MS4A4A: variants seen among roughly 807,000 people sequenced by gnomAD.
The protein encoded by MS4A4A is membrane spanning 4-domains A4A, also known as membrane-spanning 4-domains subfamily A member 4A.
MS4A4A carries 26 observed loss-of-function variants against 28.0 expected under a neutral mutation model. The observed-to-expected ratio is 0.93, with a 90% CI of 0.68 to 1.29. The LOEUF (loss-of-function observed/expected upper bound fraction) is 1.29. Among genes scored for constraint, MS4A4A ranks in the 50% most tolerant of loss-of-function variants. MS4A4A has a pLI of 0.00. For missense variants in MS4A4A, 290 were observed against 293.1 expected (o/e 0.99, Z 0.08); for synonymous variants, 86 against 100.8 (o/e 0.85, Z 0.88).
At position 60,308,682 on chromosome 11, in the gene MS4A4A, C is replaced by G. The variant is rs145609676; in HGVS notation, c.*504C>G. ...GGAGATGCATGGCCATCTCCCCCTC[C>G]CTTTTTCCTTCTCCTGCTTTTCTTT... is the stretch of plus-strand genomic sequence containing the variant. On this transcript the variant is annotated 3_prime_UTR_variant, in exon 7 of 7. Coordinates refer to ENST00000337908, the MANE Select transcript of MS4A4A (RefSeq NM_148975.3). 1.2e-3 allele frequency: 189 copies of G among 152,944 alleles called. No homozygotes were observed. Among genetic ancestry groups the G allele is most frequent in the African/African-American group, 3.9e-3 (164 of 41,546 alleles). The allele number at this position is 152,944 out of a possible 1,614,324, so 9.5% of individuals were successfully genotyped here.
intron 2 of MS4A4A, 123 bp from the exon 3 acceptor site, chr11:60,297,074 C>T: frequency 8.6e-7 from 1 of 1,156,902 alleles, no homozygotes; most frequent in South Asian, 1.3e-5. Flanking sequence ...TAAGAGAATA[C>T]TAAGAAGGTC....
intron 6 of MS4A4A, among the ~76,000 whole-genome samples, chr11:60,307,244 T>C (rs1321750141): frequency 6.6e-6 from 1 of 152,204 alleles, no homozygotes; most frequent in East Asian, 1.9e-4. Flanking sequence ...TTGTCTTCTT[T>C]TGAGGTTCCC....
intron 3 of MS4A4A, among the ~76,000 whole-genome samples, chr11:60,298,856 G>A (rs942100752): frequency 3.3e-5 from 5 of 152,038 alleles, no homozygotes; most frequent in African/African-American, 4.8e-5. Flanking sequence ...TCTTTTCTGC[G>A]GCTACCTTCC....
intron 5 of MS4A4A, among the ~76,000 whole-genome samples, chr11:60,303,558 A>G (rs1180563049): frequency 6.6e-6 from 1 of 152,116 alleles, no homozygotes; most frequent in East Asian, 1.9e-4. Context: ...AAATACAAAA[A>G]TTAGCCAGGC....
chr11:60,305,064 GAA>G (rs769379487), intron 5 of MS4A4A, among the ~76,000 whole-genome samples: 3 of 152,176 alleles, frequency 2.0e-5, no homozygotes, highest in Non-Finnish European at 4.4e-5. Flanking sequence ...ACCATGGAGA[GAA>G]AAAGAGAGAA....
At chr11:60,291,796 C>CA (rs60913455) in intron 1 of MS4A4A, among the ~76,000 whole-genome samples, 83,447 of 133,864 alleles carry the variant, frequency 0.62, 27,001 homozygotes, top group Admixed American at 0.73. Flanking sequence ...GACTCCATCT[C>CA]AAAAAAAAAA....
chr11:60,303,723 C>T (rs117894985), intron 5 of MS4A4A, among the ~76,000 whole-genome samples: 1,658 of 151,998 alleles, frequency 0.011, 18 homozygotes, highest in Middle Eastern at 0.02. Flanking sequence ...AAAGAGAAAG[C>T]CTATTGGTCA....
chr11:60,298,961 C>T (rs1249322849), intron 3 of MS4A4A, among the ~76,000 whole-genome samples: 1 of 152,204 alleles, frequency 6.6e-6, no homozygotes, highest in African/African-American at 2.4e-5. Context: ...GAACCAGTCA[C>T]AAGTTCCTCT....
At chr11:60,298,222 G>A (rs1452564296) in intron 3 of MS4A4A, among the ~76,000 whole-genome samples, 1 of 151,958 alleles carries the variant, frequency 6.6e-6, no homozygotes. Flanking sequence ...TTATAAGTTG[G>A]GTTTATGTTA....
chr11:60,289,882 A>G (rs897712320), intron 1 of MS4A4A, among the ~76,000 whole-genome samples: 1 of 152,032 alleles, frequency 6.6e-6, no homozygotes, highest in African/African-American at 2.4e-5. Flanking sequence ...ACTATTTTGT[A>G]TTTGAAATTT....
Position 60,308,470 on chromosome 11 carries a change from T to C in MS4A4A, c.*292T>C. On this transcript the variant is annotated 3_prime_UTR_variant, in exon 7 of 7. Coordinates refer to ENST00000337908, the MANE Select transcript of MS4A4A (RefSeq NM_148975.3). ...TTAATGAGGCAACAGCACTTGAAAG[T>C]TTTTCATTCATCATAAGAACTTTAT... 3.2e-6 allele frequency: 1 copy of C among 316,352 alleles called. No homozygotes were observed. The highest frequency in any genetic ancestry group is 5.7e-6 in the Non-Finnish European group (1 of 174,510). 19.6% of individuals were successfully genotyped at this position (316,352 alleles called of 1,614,324 possible). A position where few individuals can be genotyped will look rare whatever the true frequency, so the allele number is the denominator to read the frequency against.
chr11:60,300,968 G>A (rs1234276790), intron 3 of MS4A4A, 33 bp from the exon 4 acceptor site: 2 of 1,543,174 alleles, frequency 1.3e-6, no homozygotes, highest in Non-Finnish European at 8.8e-7. Context: ...CTGGCTTAAA[G>A]TTTTTTACCT....
intron 1 of MS4A4A, among the ~76,000 whole-genome samples, chr11:60,286,415 C>G (rs754695805): frequency 1.3e-5 from 2 of 152,156 alleles, no homozygotes; most frequent in Non-Finnish European, 2.9e-5. Context: ...GAAATCTTCA[C>G]AATTTATATT....
At chr11:60,294,002 A>G (rs1269733043) in intron 2 of MS4A4A, among the ~76,000 whole-genome samples, 1 of 152,188 alleles carries the variant, frequency 6.6e-6, no homozygotes, top group African/African-American at 2.4e-5. Flanking sequence ...TATTGTAAGT[A>G]AGAGTACGTT....
intron 1 of MS4A4A, chr11:60,290,150 C>A (rs1210794969): frequency 2.3e-6 from 1 of 427,488 alleles, no homozygotes; most frequent in South Asian, 1.7e-5. Flanking sequence ...GTGATTTCTC[C>A]TTTACTACTG....
intron 5 of MS4A4A, among the ~76,000 whole-genome samples, chr11:60,303,516 T>C (rs2084971274): frequency 6.6e-6 from 1 of 152,194 alleles, no homozygotes; most frequent in Non-Finnish European, 1.5e-5. Context: ...AAGACCAGCC[T>C]GGCCAACATG....
chr11:60,292,460 T>A (rs2084866172), intron 2 of MS4A4A, 76 bp downstream of exon 2: 1 of 1,414,928 alleles, frequency 7.1e-7, no homozygotes, highest in African/African-American at 1.5e-5. Flanking sequence ...AAATACACTG[T>A]CCCACTAGCC....
intron 2 of MS4A4A, 186 bp from the exon 3 acceptor site, chr11:60,297,011 G>A (rs1178653956): frequency 1.9e-5 from 13 of 688,058 alleles, no homozygotes; most frequent in Non-Finnish European, 2.8e-5. Context: ...GACGTCGCGA[G>A]AGATAATATT....
At chr11:60,297,349 A>C in intron 3 of MS4A4A, 24 bp downstream of exon 3, 10 of 1,610,660 alleles carry the variant, frequency 6.2e-6, no homozygotes, top group Non-Finnish European at 8.5e-6. Flanking sequence ...CTTTTGATAT[A>C]ATTGAAGATA....
Sources: allele counts gnomAD v4.1 joint callset (sites outside exome capture counted in the v4.1 genomes callset), GRCh38; gene constraint gnomAD v4.1.1; transcripts MANE v1.5; gene names NCBI Gene and HGNC (gene_info 2026-07-23, HGNC 2026-07-21).